The following ABLIM1 variants were observed in gnomAD, a reference collection of about 807,000 sequenced individuals.
The protein encoded by ABLIM1 is actin binding LIM protein 1.
Under a neutral mutation model 107.0 loss-of-function variants are expected in ABLIM1, and 40 were observed. The ratio of observed to expected loss-of-function variants is 0.37; its 90% CI spans 0.29 to 0.49. ABLIM1 has a LOEUF of 0.49. ABLIM1 is among the 20% of genes least tolerant of loss of function. The pLI, the probability that ABLIM1 is intolerant of heterozygous loss-of-function variation, is 0.97. For synonymous variants in ABLIM1, 357 were observed against 357.3 expected (o/e 1.00, Z 0.01); for missense variants, 857 against 1,008.5 (o/e 0.85, Z 2.04).
chr10:114,715,421 C>T (rs74158038), intron 1 of ABLIM1, among the ~76,000 whole-genome samples: 8,074 of 152,262 alleles, frequency 0.053, 333 homozygotes, highest in African/African-American at 0.11. Flanking sequence ...TTGGGAATCT[C>T]CTGCTCTTTC....
intron 1 of ABLIM1, among the ~76,000 whole-genome samples, chr10:114,692,559 A>C (rs2081102916): frequency 6.6e-6 from 1 of 152,318 alleles, no homozygotes; most frequent in South Asian, 2.1e-4. Context: ...CCAGTCACAA[A>C]AGTCTAAATT....
chr10:114,718,016 AAG>A (rs1566269199), intron 1 of ABLIM1, among the ~76,000 whole-genome samples: 13 of 138,266 alleles, frequency 9.4e-5, no homozygotes, highest in African/African-American at 3.3e-4. Flanking sequence ...GGAAGGAAGG[AAG>A]GAAGGAAGGA....
chr10:114,693,856 T>C (rs980849449), intron 1 of ABLIM1, among the ~76,000 whole-genome samples: 2 of 149,672 alleles, frequency 1.3e-5, no homozygotes, highest in Admixed American at 6.7e-5. Flanking sequence ...GAGATTGGGT[T>C]ATTGCTGTGT....
At chr10:114,527,075 G>A in intron 6 of ABLIM1, 1 of 672,658 alleles carries the variant, frequency 1.5e-6, no homozygotes, top group Non-Finnish European at 1.8e-6. Context: ...TTGTCTGCAT[G>A]TGAAACCGAC....
intron 1 of ABLIM1, among the ~76,000 whole-genome samples, chr10:114,709,744 A>G (rs1246270329): frequency 6.8e-6 from 1 of 147,254 alleles, no homozygotes; most frequent in Non-Finnish European, 1.5e-5. Context: ...TTATACAGGT[A>G]CGTCAGAACA....
At chr10:114,781,544 ATCTATATATGTG>A in the ABLIM1 span, among the ~76,000 whole-genome samples, 2 of 101,942 alleles carry the variant, frequency 2.0e-5, no homozygotes, top group Non-Finnish European at 4.6e-5. Flanking sequence ...GTGTATATAT[ATCTATATATGTG>A]TGTGTGTGTG....
rs565350523 is a variant in ABLIM1 at position 114,543,932 on chromosome 10, G to A, written c.894+1073C>T. The stretch of plus-strand genomic sequence containing the variant: ...CTCCCAAATGCAATCAGCTGCCCAC[G>A]TCCCAGCACACATCCAATGCTGGCC... On this transcript the variant is annotated intron_variant, in intron 6 of 22. Coordinates refer to ENST00000533213, the MANE Select transcript of ABLIM1 (RefSeq NM_002313.7). 3.3e-5 allele frequency among the ~76,000 whole-genome samples: 5 copies of A among 152,272 alleles called. No individual in the cohort carries two copies. In the East Asian group the frequency reaches 5.8e-4, roughly 18 times the overall value.
intron 1 of ABLIM1, among the ~76,000 whole-genome samples, chr10:114,737,135 C>T (rs1238467852): frequency 6.6e-6 from 1 of 151,964 alleles, no homozygotes; most frequent in Admixed American, 6.6e-5. Flanking sequence ...ACCAGCCTGG[C>T]CAACATGGGA....
intron 9 of ABLIM1, among the ~76,000 whole-genome samples, 172 bp downstream of exon 9, chr10:114,473,707 T>C (rs2067019871): frequency 6.6e-6 from 1 of 152,244 alleles, no homozygotes; most frequent in African/African-American, 2.4e-5. Flanking sequence ...TAAATGTAAT[T>C]ACCTAAAGGT....
At chr10:114,656,766 C>T (rs965510562) in intron 1 of ABLIM1, among the ~76,000 whole-genome samples, 16 of 152,158 alleles carry the variant, frequency 1.1e-4, no homozygotes, top group East Asian at 1.9e-4. Context: ...AGTACTGACA[C>T]GTGCTACAAC....
At chr10:114,751,226 C>T (rs1192303567) in intron 1 of ABLIM1, among the ~76,000 whole-genome samples, 1 of 151,898 alleles carries the variant, frequency 6.6e-6, no homozygotes, top group East Asian at 1.9e-4. Flanking sequence ...AGAGAAGATA[C>T]TGACATTTTT....
intron 1 of ABLIM1, among the ~76,000 whole-genome samples, chr10:114,604,575 A>G (rs2076280343): frequency 6.6e-6 from 1 of 152,254 alleles, no homozygotes; most frequent in Non-Finnish European, 1.5e-5. Context: ...GGAGTCAGGC[A>G]TCTACCTTTT....
At chr10:114,552,520 GA>G (rs2068195754) in intron 4 of ABLIM1, among the ~76,000 whole-genome samples, 1 of 149,702 alleles carries the variant, frequency 6.7e-6, no homozygotes, top group Non-Finnish European at 1.5e-5. Context: ...AGAAAAGCCT[GA>G]CCTTAAACAC....
chr10:114,631,817 T>G (rs1016014760), intron 1 of ABLIM1: 11 of 1,265,428 alleles, frequency 8.7e-6, no homozygotes, highest in Non-Finnish European at 1.1e-5. Context: ...CGGCTTTCGA[T>G]TGATCATTCC....
chr10:114,665,723 T>C (rs2079998377), intron 1 of ABLIM1, among the ~76,000 whole-genome samples: 1 of 152,206 alleles, frequency 6.6e-6, no homozygotes, highest in Admixed American at 6.5e-5. Context: ...CAGCGCTTGT[T>C]TTTTCCAAGT....
chr10:114,543,693 C>T (rs1370182919), intron 6 of ABLIM1, among the ~76,000 whole-genome samples: 1 of 152,246 alleles, frequency 6.6e-6, no homozygotes, highest in East Asian at 1.9e-4. Context: ...TGGCTTCCTA[C>T]CGCTTTTAGG....
intron 12 of ABLIM1, among the ~76,000 whole-genome samples, chr10:114,456,106 A>G (rs1347697313): frequency 5.9e-5 from 9 of 151,820 alleles, no homozygotes; most frequent in African/African-American, 9.7e-5. Context: ...GAGCCACCGC[A>G]CCCGGCTGGA....
intron 4 of ABLIM1, 137 bp from the exon 5 acceptor site, chr10:114,547,913 T>C: frequency 4.1e-6 from 5 of 1,218,032 alleles, no homozygotes; most frequent in South Asian, 1.6e-5. Context: ...GGTCAGTTTC[T>C]TTCCCTGCAC....
intron 12 of ABLIM1, among the ~76,000 whole-genome samples, chr10:114,456,924 G>GTT (rs60405111): frequency 1.3e-4 from 14 of 109,004 alleles, no homozygotes; most frequent in East Asian, 7.8e-4. Context: ...CTCTCTAGTT[G>GTT]TTTTTTTTTT....
Sources: allele counts gnomAD v4.1 joint callset (sites outside exome capture counted in the v4.1 genomes callset), GRCh38; gene constraint gnomAD v4.1.1; transcripts MANE v1.5; gene names NCBI Gene and HGNC (gene_info 2026-07-23, HGNC 2026-07-21).